Variants in ENPP6 observed in about 807,000 individuals in gnomAD.
The protein encoded by ENPP6 is ectonucleotide pyrophosphatase/phosphodiesterase 6.
A neutral mutation model predicts 42.0 loss-of-function variants in ENPP6; 32 were observed. That is an observed-to-expected ratio of 0.76 (90% CI 0.58 to 1.02). The LOEUF (loss-of-function observed/expected upper bound fraction) is 1.02, where lower values mean the gene tolerates loss of function less well. Ranked by LOEUF, ENPP6 falls within the 50% of genes least tolerant of loss-of-function variation. The pLI is 0.00. For synonymous variants in ENPP6, 213 were observed against 216.0 expected (o/e 0.99, Z 0.12); for missense variants, 552 against 566.8 (o/e 0.97, Z 0.27).
intron 6 of ENPP6, among the ~76,000 whole-genome samples, chr4:184,104,846 T>G (rs1247711341): frequency 1.3e-5 from 2 of 152,332 alleles, no homozygotes; most frequent in Admixed American, 6.5e-5. Flanking sequence ...AAGGTCAAGA[T>G]GCCAAAGACC....
intron 6 of ENPP6, among the ~76,000 whole-genome samples, chr4:184,097,863 G>T (rs1401327174): frequency 6.6e-6 from 1 of 152,198 alleles, no homozygotes; most frequent in Non-Finnish European, 1.5e-5. Context: ...GACAGCTTCA[G>T]GGTGGGGACT....
At chr4:184,146,967 T>A (rs575172111) in intron 2 of ENPP6, among the ~76,000 whole-genome samples, 5 of 152,274 alleles carry the variant, frequency 3.3e-5, no homozygotes, top group Non-Finnish European at 5.9e-5. Context: ...AACTTCTCCA[T>A]TCCCACAGCT....
chr4:184,165,015 A>G (rs768508479), intron 1 of ENPP6, among the ~76,000 whole-genome samples: 30 of 152,076 alleles, frequency 2.0e-4, no homozygotes, highest in Non-Finnish European at 3.4e-4. Flanking sequence ...GCTATCATGC[A>G]CTCTGTGAAG....
At position 184,153,587 on chromosome 4, in the gene ENPP6, C is replaced by T; in HGVS notation, c.388G>A (p.Ala130Thr). The T allele has an allele frequency of 6.2e-7, 1 of 1,614,048 alleles. No individual in the cohort carries two copies. The highest frequency in any genetic ancestry group is 8.5e-7 in the Non-Finnish European group (1 of 1,179,966). ...SEPLWVTLTK[A>T]KRKVYMYYWP... is the part of the protein sequence containing the mutation. Reference sequence around the variant, plus strand: ...TAGTACATGTAGACCTTCCTTTTGGCCTTGGTCAGAGTGACCCACAGAGGT... The same window carrying T: ...TAGTACATGTAGACCTTCCTTTTGGTCTTGGTCAGAGTGACCCACAGAGGT... Residue 130 changes from alanine (A) to threonine (T), a missense_variant, in exon 2 of 8, where the codon GCC (alanine) becomes ACC (threonine). Around this residue, in one of 2 missense-constraint regions of ENPP6, gnomAD observed 545 missense variants for 546.3 expected, o/e 1.00. Transcript: ENST00000296741.
intron 1 of ENPP6, among the ~76,000 whole-genome samples, chr4:184,167,601 G>T (rs533570297): frequency 5.9e-5 from 9 of 152,240 alleles, no homozygotes; most frequent in East Asian, 5.8e-4. Flanking sequence ...CCGCTTTTTT[G>T]GGGGGAAAGA....
chr4:184,162,135 G>T (rs745537966), intron 1 of ENPP6, among the ~76,000 whole-genome samples: 1 of 151,970 alleles, frequency 6.6e-6, no homozygotes, highest in South Asian at 2.1e-4. Context: ...CCCAGCCTGC[G>T]CATCTCACTG....
At chr4:184,112,951 A>C in intron 5 of ENPP6, 142 bp from the exon 6 acceptor site, 1 of 1,023,946 alleles carries the variant, frequency 9.8e-7, no homozygotes, top group Non-Finnish European at 1.4e-6. Context: ...ATATGTAAAA[A>C]CAAAAAACTT....
At chr4:184,120,680 G>A (rs1736401159) in intron 3 of ENPP6, among the ~76,000 whole-genome samples, 1 of 152,212 alleles carries the variant, frequency 6.6e-6, no homozygotes, top group African/African-American at 2.4e-5. Flanking sequence ...TTTCAGCCAG[G>A]AAAAAGGGCC....
chr4:184,116,319 T>C (rs1374878890), intron 5 of ENPP6, among the ~76,000 whole-genome samples: 1 of 152,232 alleles, frequency 6.6e-6, no homozygotes, highest in Non-Finnish European at 1.5e-5. Context: ...GGTATCATCA[T>C]GCCCATTTCA....
intron 7 of ENPP6, among the ~76,000 whole-genome samples, chr4:184,095,241 T>C (rs1735879809): frequency 6.6e-6 from 1 of 152,234 alleles, no homozygotes; most frequent in South Asian, 2.1e-4. Context: ...TACAGGAACC[T>C]GTGATGGAGG....
intron 2 of ENPP6, among the ~76,000 whole-genome samples, chr4:184,135,478 C>T (rs1375777430): frequency 1.3e-5 from 2 of 152,194 alleles, no homozygotes; most frequent in Non-Finnish European, 2.9e-5. Context: ...TTAGAGTCTA[C>T]ATTGCCTAAT....
rs377742524 is a variant in ENPP6 at position 184,158,404 on chromosome 4, G to A, written c.242-4671C>T. The stretch of plus-strand genomic sequence containing the variant: ...ATGAAAAGCTATCTTAATAATCAGC[G>A]GGGTGGGGTGGGGGGAATAGGATTG... On this transcript the variant is annotated intron_variant, in intron 1 of 7. Coordinates refer to ENST00000296741, the MANE Select transcript of ENPP6 (RefSeq NM_153343.4). 7.2e-5 allele frequency among the ~76,000 whole-genome samples: 11 copies of A among 152,252 alleles called. No homozygotes were observed. In the East Asian group the frequency reaches 1.3e-3, roughly 19 times the overall value.
chr4:184,145,820 C>T (rs1462850952), intron 2 of ENPP6, among the ~76,000 whole-genome samples: 5 of 152,188 alleles, frequency 3.3e-5, no homozygotes, highest in African/African-American at 7.2e-5. Flanking sequence ...ATGTGCGATG[C>T]GTGTCAGGGA....
At chr4:184,185,697 A>T (rs1285649887) in intron 1 of ENPP6, among the ~76,000 whole-genome samples, 2 of 152,244 alleles carry the variant, frequency 1.3e-5, no homozygotes, top group East Asian at 3.8e-4. Context: ...GTACAAGACA[A>T]CTGGCTGGGA....
In ENPP6 at chr4:184,117,900, C is replaced by T. The variant is rs1288558303; in HGVS notation, c.534G>A (p.Lys178=). Residue 178 remains lysine (K), a splice_region_variant and synonymous_variant, in exon 4 of 8, where the codon AAG becomes AAA. Transcript: ENST00000296741. ...NAVSDALDSF[K]SGRADLAAIY... Reference sequence around the variant, plus strand: ...TGGCTGCCAGGTCGGCCCGGCCACTCCTGGAGGGACAGAGGAGAGAGGCAT... The same window carrying T: ...TGGCTGCCAGGTCGGCCCGGCCACTTCTGGAGGGACAGAGGAGAGAGGCAT... The T allele has an allele frequency of 6.2e-7, 1 of 1,613,758 alleles. No homozygotes were observed. Among genetic ancestry groups the T allele is most frequent in the Non-Finnish European group, 8.5e-7 (1 of 1,179,922 alleles).
chr4:184,097,418 T>G (rs745844758), intron 6 of ENPP6, 50 bp from the exon 7 acceptor site: 98 of 1,604,894 alleles, frequency 6.1e-5, no homozygotes, highest in Non-Finnish European at 8.2e-5. Flanking sequence ...ACCGTGGCGC[T>G]GAGCGGGCAT....
chr4:184,117,964 C>A (rs1305755233), intron 3 of ENPP6, 64 bp from the exon 4 acceptor site: 6 of 1,561,978 alleles, frequency 3.8e-6, no homozygotes, highest in South Asian at 2.4e-5. Context: ...CCCTTATCAC[C>A]CCCATAGCAC....
chr4:184,113,941 T>TTCTTTCTTTCTTTCTTTCTA (rs1560981946), intron 5 of ENPP6, among the ~76,000 whole-genome samples: 41 of 148,986 alleles, frequency 2.8e-4, no homozygotes, highest in African/African-American at 7.7e-4. Context: ...CTTTCTTTCT[T>TTCTTTCTTTCTTTCTTTCTA]TCTTTCTTTC....
intron 2 of ENPP6, among the ~76,000 whole-genome samples, chr4:184,134,198 T>G (rs1736691390): frequency 6.6e-6 from 1 of 151,918 alleles, no homozygotes. Flanking sequence ...AGGCCAGTCT[T>G]GAATTCCTGA....
Sources: allele counts gnomAD v4.1 joint callset (sites outside exome capture counted in the v4.1 genomes callset), GRCh38; gene constraint gnomAD v4.1.1; regional missense constraint gnomAD v4.1.1; transcripts MANE v1.5; gene names NCBI Gene and HGNC (gene_info 2026-07-23, HGNC 2026-07-21).